Variants in STAT3 observed in about 807,000 individuals in gnomAD.
STAT3 encodes signal transducer and activator of transcription 3, also known as DNA-binding protein APRF.
A neutral mutation model predicts 114.3 loss-of-function variants in STAT3; 7 were observed. The observed-to-expected ratio is 0.06, with a 90% CI of 0.03 to 0.11. The LOEUF is 0.11. STAT3 is among the 10% of genes least tolerant of loss of function. The pLI, the probability that STAT3 is intolerant of heterozygous loss-of-function variation, is 1.00. For synonymous variants in STAT3, 331 were observed against 354.5 expected (o/e 0.93, Z 0.74); for missense variants, 364 against 960.9 (o/e 0.38, Z 8.21).
At chr17:42,353,978 T>C (rs1002800535) in intron 1 of STAT3, among the ~76,000 whole-genome samples, 7 of 152,132 alleles carry the variant, frequency 4.6e-5, no homozygotes, top group African/African-American at 1.7e-4. Flanking sequence ...CCACTATACC[T>C]GCTCCATCAT....
chr17:42,344,813 A>G (rs2082621405), intron 4 of STAT3, among the ~76,000 whole-genome samples: 1 of 151,186 alleles, frequency 6.6e-6, no homozygotes, highest in African/African-American at 2.4e-5. Context: ...TCAGCCTCCC[A>G]AAGTGCTGGG....
chr17:42,333,636 T>C lies in STAT3; in HGVS notation c.1049+37A>G, dbSNP rs370955116. 6 of 1,611,598 alleles carry C rather than the reference T, an allele frequency of 3.7e-6. No individual in the cohort carries two copies. The highest frequency in any genetic ancestry group is 1.7e-5 in the Admixed American group (1 of 59,952). ...CCCTCACCCTAACAGTGTCCCTCAG[T>C]AAAATCTCTACTGGAAATGGAAGTG... On this transcript the variant is annotated intron_variant, in intron 10 of 23. Transcript: ENST00000264657. This position sits in a 1 kb window ranked among gnomAD's most constrained non-coding sequence, Gnocchi z 5.2.
chr17:42,318,161 C>T (rs546171832), intron 21 of STAT3, among the ~76,000 whole-genome samples: 4 of 151,084 alleles, frequency 2.6e-5, no homozygotes, highest in South Asian at 2.1e-4. Flanking sequence ...TGCTCTCTTT[C>T]GCCCAGGTTG....
intron 11 of STAT3, 48 bp downstream of exon 11, chr17:42,331,424 T>C: frequency 6.6e-7 from 1 of 1,514,064 alleles, no homozygotes; most frequent in Middle Eastern, 1.7e-4. Context: ...AAAGTTCTCA[T>C]TTTTCTATTC....
intron 1 of STAT3, among the ~76,000 whole-genome samples, chr17:42,381,132 A>G (rs979114802): frequency 3.3e-5 from 5 of 152,202 alleles, no homozygotes; most frequent in African/African-American, 9.6e-5. Context: ...TTAAAGCCCA[A>G]TAGGTCTGAC....
chr17:42,345,755 G>A (rs2082669816), intron 3 of STAT3, 98 bp from the exon 4 acceptor site: 12 of 1,162,130 alleles, frequency 1.0e-5, no homozygotes, highest in African/African-American at 3.1e-5. Flanking sequence ...ATCAAGGAAA[G>A]CATTTATTCT....
Position 42,333,080 on chromosome 17 carries a change from G to A in STAT3, c.1049+593C>T, listed in dbSNP as rs2082091212. On this transcript the variant is annotated intron_variant, in intron 10 of 23. Coordinates refer to ENST00000264657, the MANE Select transcript of STAT3 (RefSeq NM_139276.3). This position sits in a 1 kb window ranked among gnomAD's most constrained non-coding sequence, Gnocchi z 5.2. ...CTAAGAACTAACAACTTAAAGTTGTGAGAGATTCACAAAAGGATAATCAAA... is the reference window on the plus strand; with the variant it reads ...CTAAGAACTAACAACTTAAAGTTGTAAGAGATTCACAAAAGGATAATCAAA... 6.6e-6 allele frequency among the ~76,000 whole-genome samples: 1 copy of A among 152,174 alleles called. No individual in the cohort carries two copies. Among genetic ancestry groups the A allele is most frequent in the Admixed American group, 6.6e-5 (1 of 15,258 alleles).
At chr17:42,318,607 T>C in intron 21 of STAT3, among the ~76,000 whole-genome samples, 1 of 152,250 alleles carries the variant, frequency 6.6e-6, no homozygotes, top group East Asian at 1.9e-4. Flanking sequence ...TCAAGGAACC[T>C]TGGGGATACT....
At chr17:42,336,475 G>A (rs1598420834) in intron 8 of STAT3, among the ~76,000 whole-genome samples, 1 of 152,030 alleles carries the variant, frequency 6.6e-6, no homozygotes, top group Non-Finnish European at 1.5e-5. Context: ...GTGCATGCCT[G>A]TAGTCCCAGC....
At chr17:42,354,946 G>T (rs985108269) in intron 1 of STAT3, among the ~76,000 whole-genome samples, 2 of 152,116 alleles carry the variant, frequency 1.3e-5, no homozygotes, top group Non-Finnish European at 2.9e-5. Flanking sequence ...CAAAGACCAG[G>T]TAGTATTTTC....
intron 1 of STAT3, among the ~76,000 whole-genome samples, chr17:42,359,972 A>C (rs1405451291): frequency 7.0e-6 from 1 of 143,030 alleles, no homozygotes; most frequent in Non-Finnish European, 1.5e-5. Context: ...AGGCAGGAGA[A>C]TGGTGTGAAC....
At chr17:42,357,882 C>T (rs1311625955) in intron 1 of STAT3, among the ~76,000 whole-genome samples, 2 of 152,052 alleles carry the variant, frequency 1.3e-5, no homozygotes, top group Non-Finnish European at 2.9e-5. Context: ...AGACTAGATA[C>T]TTGCAATAAG....
At chr17:42,329,335 G>T (rs2081887565) in intron 14 of STAT3, 75 bp downstream of exon 14, 1 of 1,594,100 alleles carries the variant, frequency 6.3e-7, no homozygotes, top group African/African-American at 1.3e-5. Flanking sequence ...TAATTCTGGG[G>T]ATTAAGAAGG....
chr17:42,366,956 C>A (rs2083834160), intron 1 of STAT3, among the ~76,000 whole-genome samples: 4 of 152,058 alleles, frequency 2.6e-5, no homozygotes, highest in Admixed American at 2.6e-4. Context: ...GCCTGGCCAA[C>A]AAGGTGAAAT....
At chr17:42,325,594 TCAC>T in intron 15 of STAT3, among the ~76,000 whole-genome samples, 3 of 151,338 alleles carry the variant, frequency 2.0e-5, no homozygotes, top group Non-Finnish European at 2.9e-5. Flanking sequence ...AGACGGAGTC[TCAC>T]TCTGTCACCC....
chr17:42,314,540 A>G lies in STAT3; in HGVS notation c.*1205T>C, dbSNP rs1395355670. 8.6e-6 allele frequency: 2 copies of G among 232,792 alleles called. No homozygotes were observed. The highest frequency in any genetic ancestry group is 4.4e-5 in the African/African-American group (2 of 45,256). The allele number at this position is 232,792 out of a possible 1,614,324, so 14.4% of individuals were successfully genotyped here. A position where few individuals can be genotyped will look rare whatever the true frequency, so the allele number is the denominator to read the frequency against. ...GTATCCCAGCCCTGATAAGGCACCC[A>G]CAGAAACAACCTAGCCTCTGAAACA... On this transcript the variant is annotated 3_prime_UTR_variant, in exon 24 of 24. Coordinates refer to ENST00000264657, the MANE Select transcript of STAT3 (RefSeq NM_139276.3).
At chr17:42,329,676 T>A (rs1043238325) in intron 12 of STAT3, 29 bp from the exon 13 acceptor site, 1 of 1,613,946 alleles carries the variant, frequency 6.2e-7, no homozygotes, top group East Asian at 2.2e-5. Flanking sequence ...ATCAACTATG[T>A]AGGTGACCAA....
chr17:42,365,646 T>TG (rs1490009724), intron 1 of STAT3, among the ~76,000 whole-genome samples: 2 of 142,796 alleles, frequency 1.4e-5, no homozygotes, highest in African/African-American at 5.1e-5. Flanking sequence ...AAAGTTTTTT[T>TG]TTTTTGTTTT....
chr17:42,355,340 C>A (rs2083178538), intron 1 of STAT3, among the ~76,000 whole-genome samples: 1 of 152,168 alleles, frequency 6.6e-6, no homozygotes, highest in Non-Finnish European at 1.5e-5. Context: ...ATAACTACTT[C>A]ATTGAGCCCC....
Sources: allele counts gnomAD v4.1 joint callset (sites outside exome capture counted in the v4.1 genomes callset), GRCh38; gene constraint gnomAD v4.1.1; non-coding constraint Gnocchi (gnomAD v3.1); transcripts MANE v1.5; gene names NCBI Gene and HGNC (gene_info 2026-07-23, HGNC 2026-07-21).